OGFOD3: variants seen among roughly 807,000 people sequenced by gnomAD.
The protein encoded by OGFOD3 is 2-oxoglutarate and iron-dependent oxygenase domain-containing protein 3.
A neutral mutation model predicts 39.8 loss-of-function variants in OGFOD3; 35 were observed. The observed-to-expected ratio is 0.88, with a 90% CI of 0.67 to 1.17. OGFOD3 has a LOEUF of 1.17. OGFOD3 is among the 50% of genes most tolerant of loss of function. The pLI, the probability that OGFOD3 is intolerant of heterozygous loss-of-function variation, is 0.00. For missense variants in OGFOD3, 438 were observed against 454.5 expected (o/e 0.96, Z 0.33); for synonymous variants, 200 against 192.0 (o/e 1.04, Z -0.34).
intron 3 of OGFOD3, among the ~76,000 whole-genome samples, chr17:82,410,326 G>A (rs544390445): frequency 2.7e-4 from 41 of 152,358 alleles, no homozygotes; most frequent in African/African-American, 8.9e-4. Context: ...GGCAGGGCAC[G>A]TGGCCCAGGG....
At chr17:82,417,426 C>T (rs2053078557) in intron 1 of OGFOD3, 1 of 151,884 alleles carries the variant, frequency 6.6e-6, no homozygotes, top group African/African-American at 2.4e-5. Context: ...CGAGACCAGC[C>T]TGGCCAACAT....
intron 7 of OGFOD3, among the ~76,000 whole-genome samples, chr17:82,402,349 C>A (rs189851824): frequency 6.6e-6 from 1 of 151,330 alleles, no homozygotes; most frequent in Non-Finnish European, 1.5e-5. Flanking sequence ...GCAGGAGAAC[C>A]GCTTGAACCC....
At chr17:82,394,101 T>C (rs574089308) in intron 8 of OGFOD3, among the ~76,000 whole-genome samples, 1 of 151,812 alleles carries the variant, frequency 6.6e-6, no homozygotes, top group East Asian at 1.9e-4. Context: ...GCCGTTCTCC[T>C]GCCTCAGCCT....
intron 1 of OGFOD3, among the ~76,000 whole-genome samples, chr17:82,416,011 C>T (rs1216150560): frequency 6.6e-5 from 10 of 152,006 alleles, no homozygotes; most frequent in Non-Finnish European, 1.3e-4. Context: ...GGCAGATCAC[C>T]TGAGGTCAGG....
rs893240644 is a variant in OGFOD3 at position 82,415,010 on chromosome 17, C to A, written c.304+388G>T. The stretch of plus-strand genomic sequence containing the variant: ...CTCTCAGGCCCAGGCAGAACGGGAG[C>A]GGGGGAGGGGAGCTGGGGCACAGGA... On this transcript the variant is annotated intron_variant, in intron 2 of 8. Coordinates refer to ENST00000313056, the MANE Select transcript of OGFOD3 (RefSeq NM_024648.3). The surrounding 1 kb of genome is among the most constrained non-coding windows in gnomAD (Gnocchi z 5.3). Among the ~76,000 whole-genome samples, 2 of 152,104 alleles carry A rather than the reference C, an allele frequency of 1.3e-5. No homozygotes were observed. Among genetic ancestry groups the A allele is most frequent in the African/African-American group, 4.8e-5 (2 of 41,416 alleles).
rs907351919 is a variant in OGFOD3, at chr17:82,397,868, C to T, written c.823+328G>A. Among the ~76,000 whole-genome samples, 6 of 152,096 alleles carry T rather than the reference C, an allele frequency of 3.9e-5. No individual in the cohort carries two copies. In the South Asian group the frequency reaches 6.2e-4, roughly 16 times the overall value. On this transcript the variant is annotated intron_variant, in intron 8 of 8. Transcript: ENST00000313056. Reference sequence around the variant, plus strand: ...TCTTTGAGAAGGGTACAGAGGTGAACGCACTCCAGAGGGGAGGGAGGGAGA... The same window carrying T: ...TCTTTGAGAAGGGTACAGAGGTGAATGCACTCCAGAGGGGAGGGAGGGAGA...
chr17:82,392,115 C>T lies in OGFOD3; in HGVS notation c.*283G>A. On this transcript the variant is annotated 3_prime_UTR_variant, in exon 9 of 9. Transcript: ENST00000313056. This position sits in a 1 kb window ranked among gnomAD's most constrained non-coding sequence, Gnocchi z 4.2. Reference sequence around the variant, plus strand: ...TGAACCTGGGTGGATGAGTCCCGTCCATTCACAGATGGGGACTTGTGCCCC... The same window carrying T: ...TGAACCTGGGTGGATGAGTCCCGTCTATTCACAGATGGGGACTTGTGCCCC... 2.1e-6 allele frequency: 1 copy of T among 480,104 alleles called. No individual in the cohort carries two copies. The allele number at this position is 480,104 out of a possible 1,614,324, so 29.7% of individuals were successfully genotyped here. A position where few individuals can be genotyped will look rare whatever the true frequency, so the allele number is the denominator to read the frequency against.
At chr17:82,403,163 T>C (rs2052793724) in intron 7 of OGFOD3, among the ~76,000 whole-genome samples, 1 of 152,088 alleles carries the variant, frequency 6.6e-6, no homozygotes, top group East Asian at 1.9e-4. Context: ...GCAGAGACCA[T>C]CTGCCGTAAG....
At chr17:82,412,644 G>A (rs1290255298) in intron 2 of OGFOD3, among the ~76,000 whole-genome samples, 1 of 152,078 alleles carries the variant, frequency 6.6e-6, no homozygotes, top group Non-Finnish European at 1.5e-5. Flanking sequence ...CAGGGGCAGG[G>A]TGGTCGAGGC....
At chr17:82,408,590 G>A (rs2052893367) in intron 4 of OGFOD3, among the ~76,000 whole-genome samples, 1 of 146,158 alleles carries the variant, frequency 6.8e-6, no homozygotes, top group Non-Finnish European at 1.5e-5. Context: ...TCGAGGTGTG[G>A]GAGGGGCCCT....
chr17:82,417,102 T>C (rs2053068638), intron 1 of OGFOD3: 1 of 152,196 alleles, frequency 6.6e-6, no homozygotes. Context: ...CATATTACTA[T>C]TGAAGGAAAT....
intron 8 of OGFOD3, among the ~76,000 whole-genome samples, chr17:82,397,864 T>A (rs777983859): frequency 7.3e-5 from 11 of 151,570 alleles, no homozygotes; most frequent in Non-Finnish European, 1.3e-4. Flanking sequence ...GGTACAGAGG[T>A]GAACGCACTC....
At position 82,392,051 on chromosome 17, in the gene OGFOD3, C is replaced by CG. The variant is rs113752942; in HGVS notation, c.*346dup. On this transcript the variant is annotated 3_prime_UTR_variant, in exon 9 of 9. Coordinates refer to ENST00000313056, the MANE Select transcript of OGFOD3 (RefSeq NM_024648.3). This position sits in a 1 kb window ranked among gnomAD's most constrained non-coding sequence, Gnocchi z 4.2. ...ATGCTTTAGCCAGTCTTTGATGGGC[C>CG]GGGGGGTTGCTGAACCTGGACGAGT... The CG allele has an allele frequency of 3.0e-3, 875 of 296,542 alleles. 5 individuals carry two copies. The highest frequency in any genetic ancestry group is 0.018 in the African/African-American group (783 of 44,462). The allele number at this position is 296,542 out of a possible 1,614,324, so 18.4% of individuals were successfully genotyped here.
chr17:82,411,466 C>G lies in OGFOD3; in HGVS notation c.369G>C (p.Glu123Asp). ...GGACAGGCGGTTACCTGCGAATCCG[C>G]TCCGCTTCCTCCCTGGTGATGACGA... ...TDVVITREEA[E>D]RIRSVAEKGL... Residue 123 changes from glutamate to aspartate, a missense_variant, in exon 3 of 9, where the codon GAG becomes GAC. Transcript: ENST00000313056. The G allele has an allele frequency of 6.2e-7, 1 of 1,614,158 alleles. No homozygotes were observed. The highest frequency in any genetic ancestry group is 1.1e-5 in the South Asian group (1 of 91,088).
At chr17:82,402,914 G>C (rs750465135) in intron 7 of OGFOD3, among the ~76,000 whole-genome samples, 1 of 152,134 alleles carries the variant, frequency 6.6e-6, no homozygotes, top group Non-Finnish European at 1.5e-5. Context: ...CGAGCCAGGC[G>C]TCGGGGCACG....
intron 7 of OGFOD3, among the ~76,000 whole-genome samples, chr17:82,399,428 A>G (rs2052727817): frequency 6.6e-6 from 1 of 152,204 alleles, no homozygotes; most frequent in Non-Finnish European, 1.5e-5. Flanking sequence ...TCAGAAGTGG[A>G]GCAATCCCAA....
At chr17:82,398,398 T>C in intron 7 of OGFOD3, 79 bp from the exon 8 acceptor site, 3 of 1,532,574 alleles carry the variant, frequency 2.0e-6, no homozygotes, top group Non-Finnish European at 1.8e-6. Context: ...TCTCTCTTAT[T>C]TTTTGTTTAT....
intron 8 of OGFOD3, among the ~76,000 whole-genome samples, chr17:82,395,127 G>T (rs2052651917): frequency 6.6e-6 from 1 of 152,174 alleles, no homozygotes; most frequent in Admixed American, 6.5e-5. Flanking sequence ...CTCCTCCCAG[G>T]CTCAAGCAAT....
intron 7 of OGFOD3, among the ~76,000 whole-genome samples, chr17:82,399,498 C>T (rs1434294086): frequency 6.6e-6 from 1 of 152,250 alleles, no homozygotes; most frequent in African/African-American, 2.4e-5. Context: ...ACTGTGTCTT[C>T]ACTGTTTTTA....
Sources: allele counts gnomAD v4.1 joint callset (sites outside exome capture counted in the v4.1 genomes callset), GRCh38; gene constraint gnomAD v4.1.1; non-coding constraint Gnocchi (gnomAD v3.1); transcripts MANE v1.5; gene names NCBI Gene and HGNC (gene_info 2026-07-23, HGNC 2026-07-21).